The following CHAT variants were observed in gnomAD, a reference collection of about 807,000 sequenced individuals.
CHAT encodes acetyl CoA:choline O-acetyltransferase.
CHAT carries 61 observed loss-of-function variants against 76.9 expected under a neutral mutation model. The observed-to-expected ratio is 0.79, with a 90% confidence interval of 0.65 to 0.98. The LOEUF (loss-of-function observed/expected upper bound fraction) is 0.98, where lower values mean the gene tolerates loss of function less well. Ranked by LOEUF, CHAT falls within the 50% of genes least tolerant of loss-of-function variation. The pLI is 0.00. For synonymous variants in CHAT, 407 were observed against 397.4 expected (o/e 1.02, Z -0.29); for missense variants, 946 against 986.9 (o/e 0.96, Z 0.56).
chr10:49,657,860 G>A (rs1229504528), intron 13 of CHAT, among the ~76,000 whole-genome samples: 1 of 152,220 alleles, frequency 6.6e-6, no homozygotes. Context: ...TTTGCCAAGA[G>A]GCAGAGCTGC....
chr10:49,655,689 G>A (rs771520975), intron 13 of CHAT, among the ~76,000 whole-genome samples: 6 of 152,316 alleles, frequency 3.9e-5, no homozygotes, highest in Non-Finnish European at 7.4e-5. Context: ...CAAACCCTTT[G>A]AAACAACCAT....
chr10:49,630,292 A>G (rs1398664811), intron 7 of CHAT, among the ~76,000 whole-genome samples: 7 of 152,194 alleles, frequency 4.6e-5, no homozygotes, highest in Non-Finnish European at 5.9e-5. Context: ...GGGATTGAGA[A>G]AGAGTAGCCC....
At position 49,667,381 on chromosome 10, in the gene CHAT, T is replaced by C. The variant is rs1436253171; in HGVS notation, c.*2335T>C. On this transcript the variant is annotated 3_prime_UTR_variant, in exon 15 of 15. Transcript: ENST00000337653. ...TGATATGACAGACTCAAACTCATAT[T>C]TGCTATTCTCCGAGCACATGGAAAG... Among the ~76,000 whole-genome samples, 1 of 152,228 alleles carries C rather than the reference T, an allele frequency of 6.6e-6. No individual in the cohort carries two copies. Among genetic ancestry groups the C allele is most frequent in the African/African-American group, 2.4e-5 (1 of 41,464 alleles).
intron 13 of CHAT, among the ~76,000 whole-genome samples, chr10:49,660,908 G>C (rs1010856438): frequency 6.6e-6 from 1 of 152,198 alleles, no homozygotes; most frequent in Non-Finnish European, 1.5e-5. Flanking sequence ...ATATTTGCCA[G>C]TGGTCGTGGA....
rs1564471898 is a variant in CHAT at position 49,619,711 on chromosome 10, AC to A, written c.388-11del. ...CATACTAGAGGCACAATGCCTATGA[AC>A]CCTTTCTTCCAGGGGCTGCCCAAAC... is the stretch of plus-strand genomic sequence containing the variant. On this transcript the variant is annotated splice_polypyrimidine_tract_variant and intron_variant, in intron 2 of 14. Coordinates refer to ENST00000337653, the MANE Select transcript of CHAT (RefSeq NM_020549.5). The A allele has an allele frequency of 3.7e-6, 6 of 1,607,620 alleles. No homozygotes were observed. The highest frequency in any genetic ancestry group is 1.7e-5 in the Admixed American group (1 of 59,976).
chr10:49,611,075 G>C, upstream of CHAT: 1 of 1,614,062 alleles, frequency 6.2e-7, no homozygotes, highest in Non-Finnish European at 8.5e-7. Context: ...TCAGCCCTTC[G>C]GCCCCGCTAC....
chr10:49,647,033 G>A lies in CHAT; in HGVS notation c.1281+359G>A, dbSNP rs566286738. The A allele has an allele frequency of 1.7e-4, 60 of 360,670 alleles. No homozygotes were observed. In the South Asian group the frequency reaches 1.7e-3, roughly 10 times the overall value. The allele number at this position is 360,670 out of a possible 1,614,324, so 22.3% of individuals were successfully genotyped here. ...AGGTGGGGGTGTGCCAGGAGTAGGA[G>A]AGTATAACAGCCCCACTGAACAAAT... On this transcript the variant is annotated intron_variant, in intron 8 of 14. Transcript: ENST00000337653.
chr10:49,663,602 A>G (rs543659695), intron 14 of CHAT, among the ~76,000 whole-genome samples: 1 of 152,328 alleles, frequency 6.6e-6, no homozygotes, highest in African/African-American at 2.4e-5. Context: ...AGCCACTGCC[A>G]CAAAGACAGA....
intron 1 of CHAT, 93 bp from the exon 2 acceptor site, chr10:49,616,409 G>A (rs775973937): frequency 3.9e-5 from 38 of 984,556 alleles, no homozygotes; most frequent in Non-Finnish European, 5.9e-5. Context: ...CCTCCTCATG[G>A]GGCTGGGGTG....
intron 4 of CHAT, among the ~76,000 whole-genome samples, chr10:49,621,578 C>T (rs1308835263): frequency 6.6e-6 from 1 of 152,172 alleles, no homozygotes; most frequent in African/African-American, 2.4e-5. Flanking sequence ...GACCAAATTA[C>T]TGGCTTTTCC....
In CHAT at chr10:49,622,146, GA is replaced by G. The variant is rs1434478771; in HGVS notation, c.749del (p.Asp250AlafsTer21). 1 of 1,584,350 alleles carries G rather than the reference GA, an allele frequency of 6.3e-7. No homozygotes were observed. Among genetic ancestry groups the G allele is most frequent in the Admixed American group, 1.7e-5 (1 of 57,998 alleles). ...SGVLSYKALL[D>X]SHSIPTDCAK... Reference sequence around the variant, plus strand: ...TGTACTCAGCTACAAGGCCCTGCTGGACAGGTAGGACTGGGAGGGTGGTGCC... The same window carrying G: ...TGTACTCAGCTACAAGGCCCTGCTGGCAGGTAGGACTGGGAGGGTGGTGCC... On this transcript the variant is annotated frameshift_variant, in exon 5 of 15. Coordinates refer to ENST00000337653, the MANE Select transcript of CHAT (RefSeq NM_020549.5). LOFTEE classifies it high-confidence loss of function.
At chr10:49,625,851 C>T (rs984485877) in intron 6 of CHAT, among the ~76,000 whole-genome samples, 198 bp downstream of exon 6, 1 of 152,206 alleles carries the variant, frequency 6.6e-6, no homozygotes, top group African/African-American at 2.4e-5. Context: ...AGAATGAGAG[C>T]CGTCAGTTTG....
At chr10:49,612,699 A>C, upstream of CHAT, 3 of 256,606 alleles carry the variant, frequency 1.2e-5, no homozygotes, top group Middle Eastern at 1.2e-3. Flanking sequence ...GCCCAAATCA[A>C]TAAACTGTGT....
intron 11 of CHAT, 52 bp from the exon 12 acceptor site, chr10:49,655,043 T>C (rs1839988308): frequency 6.2e-7 from 1 of 1,607,722 alleles, no homozygotes; most frequent in African/African-American, 1.3e-5. Context: ...TCCGAGTTTA[T>C]GATTTCCCAA....
intron 9 of CHAT, 81 bp downstream of exon 9, chr10:49,648,688 G>A (rs182022770): frequency 8.1e-5 from 69 of 851,634 alleles, no homozygotes; most frequent in Admixed American, 5.2e-4. Context: ...TCTGGAAAGC[G>A]TCTTAACAAA....
chr10:49,624,356 G>A (rs532268267), intron 5 of CHAT, among the ~76,000 whole-genome samples: 1 of 152,332 alleles, frequency 6.6e-6, no homozygotes, highest in East Asian at 1.9e-4. Flanking sequence ...TCTGGGTTCA[G>A]GCATTACACC....
rs796195151 is a variant in CHAT at position 49,664,240 on chromosome 10, T to C, written c.1978-537T>C. ...AACATACTAGGTGCATAAGTAAAACTGATGGCAATCTTTGAAACACCCAAC... is the reference window on the plus strand; with the variant it reads ...AACATACTAGGTGCATAAGTAAAACCGATGGCAATCTTTGAAACACCCAAC... On this transcript the variant is annotated intron_variant, in intron 14 of 14. Transcript: ENST00000337653. Among the ~76,000 whole-genome samples, 13 of 152,322 alleles carry C rather than the reference T, an allele frequency of 8.5e-5. No homozygotes were observed. In the East Asian group the frequency reaches 1.5e-3, roughly 18 times the overall value.
chr10:49,610,618 G>C, upstream of CHAT: 1 of 988,800 alleles, frequency 1.0e-6, no homozygotes. Context: ...GCCACCTGAG[G>C]CACAGGGGAG....
intron 7 of CHAT, among the ~76,000 whole-genome samples, chr10:49,640,503 G>C (rs551571649): frequency 2.0e-5 from 3 of 150,570 alleles, no homozygotes; most frequent in African/African-American, 7.3e-5. Context: ...TGCAGGGTTG[G>C]GGGGTGGAAG....
Sources: allele counts gnomAD v4.1 joint callset (sites outside exome capture counted in the v4.1 genomes callset), GRCh38; gene constraint gnomAD v4.1.1; transcripts MANE v1.5; gene names NCBI Gene and HGNC (gene_info 2026-07-23, HGNC 2026-07-21).